The following ADGRG6 variants were observed in gnomAD, a reference collection of about 807,000 sequenced individuals.
The protein encoded by ADGRG6 is adhesion G protein-coupled receptor G6, also known as G-protein coupled receptor 126.
In ADGRG6, 84 loss-of-function variants were observed where a neutral mutation model predicts 142.4. The observed-to-expected ratio is 0.59, with a 90% confidence interval of 0.49 to 0.71. ADGRG6 has a LOEUF of 0.71. Among genes scored for constraint, ADGRG6 ranks in the 30% least tolerant of loss-of-function variants. The probability of loss-of-function intolerance (pLI) is 0.00; values close to 1 mark genes in which losing one functional copy is unlikely to be tolerated. For missense variants in ADGRG6, 1,367 were observed against 1,466.6 expected, an observed-to-expected ratio of 0.93 and a Z score of 1.11; for synonymous variants, 521 against 520.5, an observed-to-expected ratio of 1.00 and a Z score of -0.01.
chr6:142,404,475 A>C (rs768269421), intron 14 of ADGRG6, among the ~76,000 whole-genome samples: 30 of 152,030 alleles, frequency 2.0e-4, no homozygotes, highest in South Asian at 1.2e-3. Context: ...CCCTGTTTCT[A>C]CTAAAAATAC....
At chr6:142,386,994 G>T (rs1782060422) in intron 6 of ADGRG6, among the ~76,000 whole-genome samples, 4 of 152,152 alleles carry the variant, frequency 2.6e-5, no homozygotes, top group Admixed American at 2.6e-4. Flanking sequence ...GCAGACAGGG[G>T]ACCTGGCCAG....
At chr6:142,378,483 G>C (rs1407555088) in intron 4 of ADGRG6, among the ~76,000 whole-genome samples, 2 of 152,178 alleles carry the variant, frequency 1.3e-5, no homozygotes, top group African/African-American at 4.8e-5. Context: ...ACCTACAAAA[G>C]GGAGGTCCTA....
intron 16 of ADGRG6, among the ~76,000 whole-genome samples, chr6:142,409,506 A>T (rs762199442): frequency 2.0e-5 from 3 of 152,156 alleles, no homozygotes; most frequent in Non-Finnish European, 4.4e-5. Context: ...CCTTGTTTTC[A>T]ATTTGTCTAT....
intron 9 of ADGRG6, among the ~76,000 whole-genome samples, chr6:142,396,126 C>G (rs1775182743): frequency 6.6e-6 from 1 of 152,146 alleles, no homozygotes; most frequent in Non-Finnish European, 1.5e-5. Context: ...ATACTTTGGG[C>G]TAATTATGTT....
At chr6:142,421,082 A>G (rs1262108355) in intron 22 of ADGRG6, among the ~76,000 whole-genome samples, 1 of 152,150 alleles carries the variant, frequency 6.6e-6, no homozygotes, top group African/African-American at 2.4e-5. Flanking sequence ...ATGAGGTGCC[A>G]AGGTGGGTAC....
At chr6:142,442,448 T>G (rs1306103973) in intron 24 of ADGRG6, among the ~76,000 whole-genome samples, 1 of 152,130 alleles carries the variant, frequency 6.6e-6, no homozygotes, top group Non-Finnish European at 1.5e-5. Flanking sequence ...GAACACTATC[T>G]GAGCCAATTT....
intron 2 of ADGRG6, among the ~76,000 whole-genome samples, chr6:142,313,137 T>G (rs1283047153): frequency 6.6e-6 from 1 of 152,014 alleles, no homozygotes. Flanking sequence ...CGATCAGGTA[T>G]TACTTTACTA....
chr6:142,315,595 C>T lies in ADGRG6; in HGVS notation c.103+5951C>T, dbSNP rs9496335. 5.0e-3 allele frequency among the ~76,000 whole-genome samples: 758 copies of T among 151,936 alleles called. 9 individuals carry two copies. Among genetic ancestry groups the T allele is most frequent in the African/African-American group, 0.017 (716 of 41,446 alleles). On this transcript the variant is annotated intron_variant, in intron 2 of 24. Coordinates refer to ENST00000367609, the MANE Select transcript of ADGRG6 (RefSeq NM_198569.3). Reference sequence around the variant, plus strand: ...AGAAAGCAAGGTTCCTTTGGGAGGCCGAGGCGGCGGGCAGATCATGAGGCC... The same window carrying T: ...AGAAAGCAAGGTTCCTTTGGGAGGCTGAGGCGGCGGGCAGATCATGAGGCC...
At chr6:142,359,169 T>C (rs2114815453) in intron 2 of ADGRG6, among the ~76,000 whole-genome samples, 1 of 134,950 alleles carries the variant, frequency 7.4e-6, no homozygotes, top group African/African-American at 2.9e-5. Context: ...ATTGTACCAG[T>C]GCACTCCAGC....
At position 142,437,491 on chromosome 6, in the gene ADGRG6, GGCA is replaced by G; in HGVS notation, c.3381_3383del (p.Gln1127del). 1.9e-6 allele frequency: 3 copies of G among 1,586,988 alleles called. No individual in the cohort carries two copies. The highest frequency in any genetic ancestry group is 2.6e-6 in the Non-Finnish European group (3 of 1,155,616). On this transcript the variant is annotated inframe_deletion, in exon 23 of 25. Transcript: ENST00000367609. The stretch of plus-strand genomic sequence containing the variant: ...AAGGAGAATGTTCAGAAACAGTGGC[GGCA>G]GCATCTCTGCTGTGGTAGATTTCGG...
chr6:142,328,619 A>G (rs938468956), intron 2 of ADGRG6, among the ~76,000 whole-genome samples: 3 of 152,122 alleles, frequency 2.0e-5, no homozygotes, highest in Non-Finnish European at 4.4e-5. Flanking sequence ...ATTATGTTTC[A>G]ATTATAAGTA....
chr6:142,330,390 C>G (rs1778992424), intron 2 of ADGRG6, among the ~76,000 whole-genome samples: 1 of 152,042 alleles, frequency 6.6e-6, no homozygotes, highest in Admixed American at 6.6e-5. Flanking sequence ...GTGGTGAAAA[C>G]ATTTTTTTCT....
chr6:142,440,915 C>T, intron 24 of ADGRG6: 5 of 1,460,112 alleles, frequency 3.4e-6, no homozygotes, highest in Non-Finnish European at 3.7e-6. Flanking sequence ...TAGATAATGT[C>T]TCCTATGAGC....
intron 22 of ADGRG6, among the ~76,000 whole-genome samples, chr6:142,421,534 T>C (rs1776652284): frequency 6.6e-6 from 1 of 152,174 alleles, no homozygotes; most frequent in African/African-American, 2.4e-5. Flanking sequence ...AAATAAATAT[T>C]GACAAAAGTA....
intron 2 of ADGRG6, among the ~76,000 whole-genome samples, chr6:142,334,846 G>A (rs945861059): frequency 9.9e-5 from 15 of 152,088 alleles, no homozygotes; most frequent in African/African-American, 3.6e-4. Flanking sequence ...GATGAACTGT[G>A]GCAATCCTTT....
chr6:142,329,398 C>T (rs1778930909), intron 2 of ADGRG6, among the ~76,000 whole-genome samples: 1 of 152,062 alleles, frequency 6.6e-6, no homozygotes, highest in African/African-American at 2.4e-5. Flanking sequence ...ATAAAGAAGA[C>T]ATTTATGCCA....
intron 2 of ADGRG6, among the ~76,000 whole-genome samples, chr6:142,343,022 T>C (rs766654941): frequency 6.6e-6 from 1 of 151,746 alleles, no homozygotes; most frequent in East Asian, 1.9e-4. Flanking sequence ...AACTTTTATA[T>C]ATGGTAAAAA....
chr6:142,309,763 T>C, intron 2 of ADGRG6, 119 bp downstream of exon 2: 1 of 604,954 alleles, frequency 1.7e-6, no homozygotes, highest in Non-Finnish European at 2.7e-6. Flanking sequence ...TTTTTCCTGT[T>C]TCTATCCTTA....
chr6:142,360,387 G>C (rs1250172039), intron 2 of ADGRG6, among the ~76,000 whole-genome samples: 3 of 152,162 alleles, frequency 2.0e-5, no homozygotes, highest in African/African-American at 7.2e-5. Context: ...TATATATAAA[G>C]AAGAGCTGAA....
Sources: gnomAD v4.1 joint callset for allele counts (sites outside exome capture counted in the v4.1 genomes callset) on GRCh38, gnomAD v4.1.1 for gene constraint, MANE v1.5 for transcripts, NCBI Gene and HGNC (gene_info 2026-07-23, HGNC 2026-07-21) for gene names.